The following UPRT variants were observed in gnomAD, a reference collection of about 807,000 sequenced individuals.
UPRT encodes the protein RP11-311P8.3.
In UPRT, 5 loss-of-function variants were observed where a neutral mutation model predicts 22.6. The ratio of observed to expected loss-of-function variants is 0.22; its 90% CI spans 0.12 to 0.47. The LOEUF (loss-of-function observed/expected upper bound fraction) is 0.47, where lower values mean the gene tolerates loss of function less well. UPRT is among the 20% of genes least tolerant of loss of function. The probability of loss-of-function intolerance (pLI) is 0.99; values close to 1 mark genes in which losing one functional copy is unlikely to be tolerated. For synonymous variants in UPRT, 77 were observed against 87.7 expected (o/e 0.88, Z 0.68); for missense variants, 181 against 239.9 (o/e 0.75, Z 1.62).
intron 4 of UPRT, among the ~76,000 whole-genome samples, chrX:75,251,218 C>G (rs952824889): frequency 1.2e-4 from 13 of 111,269 alleles, no homozygotes; most frequent in East Asian, 5.7e-4. Flanking sequence ...CCAGGGCAAT[C>G]AGGCAGGAGA....
chrX:75,288,606 G>T (rs967091921), intron 1 of UPRT, among the ~76,000 whole-genome samples: 1 of 111,898 alleles, frequency 8.9e-6, no homozygotes, highest in African/African-American at 3.2e-5. Flanking sequence ...TGCAGAAAAA[G>T]CTTTTGATAA....
rs190708405 is a variant in UPRT at position 75,252,188 on chromosome X, C to T, written c.-446-38836C>T. On this transcript the variant is annotated intron_variant, in intron 4 of 13. Coordinates refer to the UPRT transcript ENST00000652605. Reference sequence around the variant, plus strand: ...ATGTCTATAACACCAAAAGCAATGGCAACAAAAGCCAAAATTGACAAATGG... The same window carrying T: ...ATGTCTATAACACCAAAAGCAATGGTAACAAAAGCCAAAATTGACAAATGG... 9.2e-3 allele frequency among the ~76,000 whole-genome samples: 1,026 copies of T among 112,040 alleles called. 6 individuals carry two copies. Among genetic ancestry groups the T allele is most frequent in the Non-Finnish European group, 0.015 (795 of 53,217 alleles).
At chrX:75,253,259 A>G (rs768421512) in intron 4 of UPRT, among the ~76,000 whole-genome samples, 11 of 112,421 alleles carry the variant, frequency 9.8e-5, no homozygotes, top group Non-Finnish European at 2.1e-4. Flanking sequence ...GGACATGAAC[A>G]GACACTTTTC....
At chrX:75,250,386 C>T (rs1252956561) in intron 4 of UPRT, among the ~76,000 whole-genome samples, 1 of 110,681 alleles carries the variant, frequency 9.0e-6, no homozygotes, top group African/African-American at 3.3e-5. Context: ...GATATCACCA[C>T]CGATCCCACA....
At chrX:75,232,212 G>A (rs918601697) in intron 4 of UPRT, among the ~76,000 whole-genome samples, 11 of 112,360 alleles carry the variant, frequency 9.8e-5, no homozygotes, top group African/African-American at 2.9e-4. Context: ...ACTCCCACCC[G>A]AATACTGCGC....
At chrX:75,248,898 T>C (rs1203839443) in intron 4 of UPRT, among the ~76,000 whole-genome samples, 1 of 111,993 alleles carries the variant, frequency 8.9e-6, no homozygotes, top group Non-Finnish European at 1.9e-5. Flanking sequence ...GAGTGGGGGC[T>C]AATATTCAAC....
chrX:75,256,018 A>ACAGAT (rs777902574), intron 4 of UPRT, among the ~76,000 whole-genome samples: 7 of 111,974 alleles, frequency 6.3e-5, no homozygotes, highest in Non-Finnish European at 1.1e-4. Flanking sequence ...AATTGACTTA[A>ACAGAT]CAGATATATT....
At chrX:75,252,031 C>T (rs977192827) in intron 4 of UPRT, among the ~76,000 whole-genome samples, 3 of 112,277 alleles carry the variant, frequency 2.7e-5, no homozygotes, top group Non-Finnish European at 5.6e-5. Flanking sequence ...GAAACTGCAT[C>T]CCTTCCTTAC....
chrX:75,184,417 G>T (rs1215877189), intron 4 of UPRT, among the ~76,000 whole-genome samples: 1 of 105,298 alleles, frequency 9.5e-6, no homozygotes, highest in Non-Finnish European at 2.0e-5. Flanking sequence ...TGCTGTTTTG[G>T]TTACTGTAGC....
intron 4 of UPRT, among the ~76,000 whole-genome samples, chrX:75,264,854 G>A (rs2082582041): frequency 8.9e-6 from 1 of 111,810 alleles, no homozygotes; most frequent in Admixed American, 9.5e-5. Flanking sequence ...CTTCCTTCAG[G>A]AGCTCTTTTA....
chrX:75,180,414 G>A lies in UPRT; in HGVS notation c.-447+12535G>A, dbSNP rs982893329. Among the ~76,000 whole-genome samples, 4 of 111,981 alleles carry A rather than the reference G, an allele frequency of 3.6e-5. No homozygotes were observed. In the Admixed American group the frequency reaches 3.8e-4, roughly 11 times the overall value. Reference sequence around the variant, plus strand: ...ATGATCTAGACCTTCAGGTTCCCCAGTGAAGGTGTGTATTTGAGGGTAGAC... The same window carrying A: ...ATGATCTAGACCTTCAGGTTCCCCAATGAAGGTGTGTATTTGAGGGTAGAC... On this transcript the variant is annotated intron_variant, in intron 4 of 13. Coordinates refer to the UPRT transcript ENST00000652605.
chrX:75,245,949 TA>T (rs2082504273), intron 4 of UPRT, among the ~76,000 whole-genome samples: 1 of 111,527 alleles, frequency 9.0e-6, no homozygotes, highest in South Asian at 3.7e-4. Context: ...AAATAATAGT[TA>T]AAAACAAATA....
intron 4 of UPRT, among the ~76,000 whole-genome samples, chrX:75,201,273 C>T (rs1005052578): frequency 5.3e-5 from 6 of 112,689 alleles, no homozygotes; most frequent in African/African-American, 1.9e-4. Flanking sequence ...GTAATTTGTT[C>T]CTCTCTTTCT....
chrX:75,251,912 T>C (rs919686583), intron 4 of UPRT, among the ~76,000 whole-genome samples: 4 of 110,527 alleles, frequency 3.6e-5, no homozygotes, highest in African/African-American at 1.3e-4. Flanking sequence ...ATGCCGCATA[T>C]CTACAACTAT....
At chrX:75,186,808 G>T (rs1472475757) in intron 4 of UPRT, among the ~76,000 whole-genome samples, 2 of 111,313 alleles carry the variant, frequency 1.8e-5, no homozygotes, top group African/African-American at 3.3e-5. Flanking sequence ...ATCTTTGTTG[G>T]TTTAAAGTCT....
At chrX:75,285,817 G>A (rs1473490104) in intron 1 of UPRT, among the ~76,000 whole-genome samples, 1 of 108,615 alleles carries the variant, frequency 9.2e-6, no homozygotes, top group Non-Finnish European at 1.9e-5. Context: ...TTGATGCCTT[G>A]CACCTGGCAA....
At chrX:75,286,311 G>A (rs1395746954) in intron 1 of UPRT, among the ~76,000 whole-genome samples, 2 of 85,272 alleles carry the variant, frequency 2.3e-5, no homozygotes, top group Admixed American at 1.4e-4. Context: ...TTACTTGGGG[G>A]GGGGGTGGGT....
intron 4 of UPRT, among the ~76,000 whole-genome samples, chrX:75,233,255 G>A (rs996473499): frequency 3.6e-5 from 4 of 110,008 alleles, no homozygotes; most frequent in African/African-American, 9.9e-5. Context: ...AAAAAGAAAT[G>A]AGCAAAGCCT....
At chrX:75,203,343 T>C (rs940743521) in intron 4 of UPRT, among the ~76,000 whole-genome samples, 1 of 111,020 alleles carries the variant, frequency 9.0e-6, no homozygotes, top group African/African-American at 3.3e-5. Context: ...CATACAATAA[T>C]AGTCGGAGAC....
Sources: gnomAD v4.1 joint callset for allele counts (sites outside exome capture counted in the v4.1 genomes callset) on GRCh38, gnomAD v4.1.1 for gene constraint, MANE v1.5 for transcripts, NCBI Gene and HGNC (gene_info 2026-07-23, HGNC 2026-07-21) for gene names.